The following CNTNAP2 variants were observed in gnomAD, a reference collection of about 807,000 sequenced individuals.
The protein encoded by CNTNAP2 is contactin-associated protein-like 2.
CNTNAP2 carries 98 observed loss-of-function variants against 155.2 expected under a neutral mutation model. The ratio of observed to expected loss-of-function variants is 0.63; its 90% confidence interval spans 0.54 to 0.75. The LOEUF (loss-of-function observed/expected upper bound fraction) is 0.75, where lower values mean the gene tolerates loss of function less well. CNTNAP2 is among the 30% of genes least tolerant of loss of function. The pLI is 0.00. For synonymous variants in CNTNAP2, 651 were observed against 631.2 expected (o/e 1.03, Z -0.47); for missense variants, 1,727 against 1,688.1 (o/e 1.02, Z -0.40).
intron 1 of CNTNAP2, among the ~76,000 whole-genome samples, chr7:146,209,898 C>T (rs542171202): frequency 7.9e-5 from 12 of 152,078 alleles, no homozygotes; most frequent in East Asian, 5.8e-4. Context: ...CGTGAGTTGT[C>T]GAGGTGAAGA....
chr7:148,384,309 T>C (rs1054272949), intron 22 of CNTNAP2, among the ~76,000 whole-genome samples: 2 of 152,234 alleles, frequency 1.3e-5, no homozygotes, highest in Admixed American at 6.5e-5. Context: ...GCTCTGTATT[T>C]ATATGAATAA....
intron 15 of CNTNAP2, among the ~76,000 whole-genome samples, chr7:148,088,794 T>G (rs1432632297): frequency 6.6e-6 from 1 of 151,810 alleles, no homozygotes; most frequent in Non-Finnish European, 1.5e-5. Flanking sequence ...GAAGAAACAT[T>G]CTCAAACTCA....
At chr7:146,213,377 A>C (rs1799065521) in intron 1 of CNTNAP2, among the ~76,000 whole-genome samples, 1 of 152,202 alleles carries the variant, frequency 6.6e-6, no homozygotes, top group Non-Finnish European at 1.5e-5. Flanking sequence ...TGGAAACATT[A>C]GTGTTGAAAA....
rs554190031 is a variant in CNTNAP2, at chr7:146,368,676, T to C, written c.97+251703T>C. On this transcript the variant is annotated intron_variant, in intron 1 of 23. Coordinates refer to ENST00000361727, the MANE Select transcript of CNTNAP2 (RefSeq NM_014141.6). ...TAAGATGCACCACGGTTCATTCAGA[T>C]AAGTGTCCCAGTGAGTCCTCAGTTT... 2.0e-5 allele frequency among the ~76,000 whole-genome samples: 3 copies of C among 152,258 alleles called. No homozygotes were observed. The East Asian group carries it at 5.8e-4, about 29-fold the overall frequency.
At chr7:148,261,291 G>C (rs1036020759) in intron 20 of CNTNAP2, among the ~76,000 whole-genome samples, 1 of 152,120 alleles carries the variant, frequency 6.6e-6, no homozygotes, top group Non-Finnish European at 1.5e-5. Flanking sequence ...CTCTCAAGTA[G>C]CTGGGACCAC....
At position 146,728,565 on chromosome 7, in the gene CNTNAP2, G is replaced by T. The variant is rs73740834; in HGVS notation, c.98-45706G>T. ...TATACCTGAATCAAAACATCAGGTT[G>T]TACACCGTAAATCTATACAATTTAA... On this transcript the variant is annotated intron_variant, in intron 1 of 23. Transcript: ENST00000361727. Among the ~76,000 whole-genome samples the T allele has an allele frequency of 9.4e-3, 1,399 of 148,804 alleles. 25 individuals are homozygous for T. Among genetic ancestry groups the T allele is most frequent in the African/African-American group, 0.033 (1,334 of 40,404 alleles).
chr7:146,580,472 TAA>T (rs71165016), intron 1 of CNTNAP2, among the ~76,000 whole-genome samples: 6,809 of 146,440 alleles, frequency 0.046, 171 homozygotes, highest in Non-Finnish European at 0.052. Context: ...TATCCCCAAT[TAA>T]AAAAAAAAAA....
chr7:148,209,252 G>A lies in CNTNAP2; in HGVS notation c.3011-8036G>A, dbSNP rs6978329. ...ATGATCCTCCCGCCTCAGTAGCTGGGACTACAGGCTTGTGCCACCACACCG... is the reference window on the plus strand; with the variant it reads ...ATGATCCTCCCGCCTCAGTAGCTGGAACTACAGGCTTGTGCCACCACACCG... On this transcript the variant is annotated intron_variant, in intron 18 of 23. Transcript: ENST00000361727. Among the ~76,000 whole-genome samples, 998 of 151,642 alleles carry A rather than the reference G, an allele frequency of 6.6e-3. 13 individuals carry two copies. Among genetic ancestry groups the A allele is most frequent in the African/African-American group, 0.022 (929 of 41,346 alleles).
intron 9 of CNTNAP2, among the ~76,000 whole-genome samples, chr7:147,328,833 TG>T (rs34972267): frequency 0.37 from 56,410 of 151,794 alleles, 11,126 homozygotes; most frequent in African/African-American, 0.5. Context: ...CAGCAGTGGT[TG>T]GGAACTGGAG....
At chr7:147,033,249 A>T (rs1273338910) in intron 3 of CNTNAP2, among the ~76,000 whole-genome samples, 1 of 147,628 alleles carries the variant, frequency 6.8e-6, no homozygotes, top group Non-Finnish European at 1.5e-5. Flanking sequence ...ATTTTGCAAT[A>T]AAAAAGAGTG....
chr7:146,311,338 C>A (rs1399825114), intron 1 of CNTNAP2, among the ~76,000 whole-genome samples: 1 of 152,066 alleles, frequency 6.6e-6, no homozygotes, highest in Non-Finnish European at 1.5e-5. Context: ...AACTTAAAAA[C>A]AAGTGACTTG....
intron 18 of CNTNAP2, among the ~76,000 whole-genome samples, chr7:148,216,140 G>A (rs1165021471): frequency 6.6e-6 from 1 of 152,162 alleles, no homozygotes; most frequent in Non-Finnish European, 1.5e-5. Context: ...GAGTGATTTA[G>A]AACATTGCTG....
chr7:146,418,489 T>G (rs1795967555), intron 1 of CNTNAP2, among the ~76,000 whole-genome samples: 1 of 152,206 alleles, frequency 6.6e-6, no homozygotes, highest in Admixed American at 6.6e-5. Context: ...CTGTTGGCTT[T>G]ACCTTTTTCT....
chr7:146,990,428 G>A (rs1213946096), intron 3 of CNTNAP2, among the ~76,000 whole-genome samples: 1 of 152,096 alleles, frequency 6.6e-6, no homozygotes, highest in Admixed American at 6.6e-5. Context: ...TGTTAGTTGT[G>A]TTTAAGTTCC....
At chr7:147,294,696 T>G (rs945451604) in intron 8 of CNTNAP2, among the ~76,000 whole-genome samples, 1 of 152,152 alleles carries the variant, frequency 6.6e-6, no homozygotes, top group African/African-American at 2.4e-5. Context: ...TTTGCTCTTG[T>G]TGCCCATTCT....
At chr7:146,304,545 A>AT (rs1385278860) in intron 1 of CNTNAP2, among the ~76,000 whole-genome samples, 1 of 152,054 alleles carries the variant, frequency 6.6e-6, no homozygotes, top group Non-Finnish European at 1.5e-5. Flanking sequence ...GTTCGGCTGG[A>AT]TATGAAATTC....
chr7:146,346,450 G>T (rs777326629), intron 1 of CNTNAP2, among the ~76,000 whole-genome samples: 1 of 152,214 alleles, frequency 6.6e-6, no homozygotes, highest in Non-Finnish European at 1.5e-5. Flanking sequence ...GGGAGGCTAA[G>T]GTGGGTGGAT....
Position 147,698,595 on chromosome 7 carries a change from C to G in CNTNAP2, c.2098+59289C>G, listed in dbSNP as rs560675347. The stretch of plus-strand genomic sequence containing the variant: ...GACTTTTTTTTAAGACATGGTCTTG[C>G]TCTATTGTCAAGTCTAGAGTGCAGT... On this transcript the variant is annotated intron_variant, in intron 13 of 23. Transcript: ENST00000361727. 5.3e-5 allele frequency among the ~76,000 whole-genome samples: 8 copies of G among 152,242 alleles called. No homozygotes were observed. The South Asian group carries it at 1.7e-3, about 32-fold the overall frequency.
At chr7:148,356,214 G>A (rs1011161361) in intron 21 of CNTNAP2, among the ~76,000 whole-genome samples, 3 of 151,796 alleles carry the variant, frequency 2.0e-5, no homozygotes, top group African/African-American at 7.3e-5. Flanking sequence ...ATAAAACATG[G>A]TTTTAAAATA....
Sources: gnomAD v4.1 joint callset for allele counts (sites outside exome capture counted in the v4.1 genomes callset) on GRCh38, gnomAD v4.1.1 for gene constraint, MANE v1.5 for transcripts, NCBI Gene and HGNC (gene_info 2026-07-23, HGNC 2026-07-21) for gene names.